Variants in RIPPLY3 observed in about 807,000 individuals in gnomAD.
RIPPLY3 encodes protein ripply3.
In RIPPLY3, 8 loss-of-function variants were observed where a neutral mutation model predicts 11.9. That is an observed-to-expected ratio of 0.67 (90% confidence interval 0.40 to 1.21). The LOEUF is 1.21. RIPPLY3 is among the 50% of genes most tolerant of loss of function. RIPPLY3 has a pLI of 0.01. For synonymous variants in RIPPLY3, 102 were observed against 99.0 expected (o/e 1.03, Z -0.18); for missense variants, 271 against 246.0 (o/e 1.10, Z -0.68).
chr21:37,006,937 G>C lies in RIPPLY3; in HGVS notation c.104+61G>C, dbSNP rs985028756. 877 of 989,416 alleles carry C rather than the reference G, an allele frequency of 8.9e-4. No homozygotes were observed. The highest frequency in any genetic ancestry group is 1.1e-3 in the Non-Finnish European group (834 of 772,906). 61.3% of individuals were successfully genotyped at this position (989,416 alleles called of 1,614,324 possible). ...GAGGCGTGCGCGGTGGCGGTGCGGG[G>C]AGCGCAGCGAGCGGGAGGCTGGGGC... On this transcript the variant is annotated intron_variant, in intron 1 of 3. Coordinates refer to ENST00000329553, the MANE Select transcript of RIPPLY3 (RefSeq NM_018962.3). This position sits in a 1 kb window ranked among gnomAD's most constrained non-coding sequence, Gnocchi z 5.2.
At chr21:37,014,745 C>T (rs1362086776) in intron 3 of RIPPLY3, among the ~76,000 whole-genome samples, 1 of 152,158 alleles carries the variant, frequency 6.6e-6, no homozygotes, top group African/African-American at 2.4e-5. Context: ...TTTCTTTTCT[C>T]TTCTGACATC....
intron 3 of RIPPLY3, among the ~76,000 whole-genome samples, chr21:37,015,536 A>G (rs997057316): frequency 7.2e-5 from 11 of 152,296 alleles, no homozygotes; most frequent in Middle Eastern, 3.4e-3. Flanking sequence ...TGCACTGCAC[A>G]CTGGATATAC....
chr21:37,017,723 T>C, intron 3 of RIPPLY3, 151 bp from the exon 4 acceptor site: 1 of 671,490 alleles, frequency 1.5e-6, no homozygotes, highest in Non-Finnish European at 2.5e-6. Context: ...TAGAGTTCTC[T>C]GTTCTGATGA....
At position 37,017,921 on chromosome 21, in the gene RIPPLY3, G is replaced by A. The variant is rs1360468946; in HGVS notation, c.287G>A (p.Gly96Glu). The change falls in exon 4 of 4, where the codon GGG becomes GAG. Residue 96 changes from glycine (G) to glutamate (E), a missense_variant. Transcript: ENST00000329553. Reference protein sequence around the residue: ...SKRQEYLRSSGEQVLASFPVQ... With the variant: ...SKRQEYLRSSEEQVLASFPVQ... ...CGTCAAGAATACCTGCGGAGTTCCG[G>A]GGAGCAAGTACTGGCCAGTTTCCCA... is the stretch of plus-strand genomic sequence containing the variant. The A allele has an allele frequency of 1.2e-6, 2 of 1,613,968 alleles. No homozygotes were observed. The highest frequency in any genetic ancestry group is 1.7e-6 in the Non-Finnish European group (2 of 1,180,000).
chr21:37,011,124 C>T (rs1163545268), intron 2 of RIPPLY3, among the ~76,000 whole-genome samples: 1 of 152,144 alleles, frequency 6.6e-6, no homozygotes. Context: ...CTGCCTCAGC[C>T]TCCAAGTAGC....
At position 37,006,830 on chromosome 21, in the gene RIPPLY3, C is replaced by T. The variant is rs1406821727; in HGVS notation, c.58C>T (p.Pro20Ser). 1.1e-5 allele frequency: 14 copies of T among 1,227,360 alleles called. No individual in the cohort carries two copies. Among genetic ancestry groups the T allele is most frequent in the Non-Finnish European group, 1.3e-5 (13 of 985,224 alleles). 76.0% of individuals were successfully genotyped at this position (1,227,360 alleles called of 1,614,324 possible). A position where few individuals can be genotyped will look rare whatever the true frequency, so the allele number is the denominator to read the frequency against. ...RKARGRGCHC[P>S]GDAPWRPPPP... ...GGCGCGGGGGCGCGGCTGTCACTGC[C>T]CCGGGGACGCTCCCTGGAGGCCTCC... The change falls in exon 1 of 4, where the codon CCC becomes TCC. Residue 20 changes from proline (P) to serine (S), a missense_variant. Physicochemically the swap from Pro to Ser is moderately conservative, Grantham distance 74. Transcript: ENST00000329553. The surrounding 1 kb of genome is among the most constrained non-coding windows in gnomAD (Gnocchi z 5.2).
chr21:37,009,376 AC>A (rs1483483674), intron 2 of RIPPLY3, among the ~76,000 whole-genome samples: 1 of 152,150 alleles, frequency 6.6e-6, no homozygotes, highest in African/African-American at 2.4e-5. Context: ...GGGAAAACAG[AC>A]CTTCACCGTA....
Position 37,018,121 on chromosome 21 carries a change from T to A in RIPPLY3, c.487T>A (p.Ser163Thr). The change falls in exon 4 of 4, where the codon TCC (serine) becomes ACC (threonine). Residue 163 changes from serine to threonine, a missense_variant. Coordinates refer to ENST00000329553, the MANE Select transcript of RIPPLY3 (RefSeq NM_018962.3). ...CCAGGGCATCAACCAAGGGCAGCGA[T>A]CCTCAGGAGGGGGTGACCACTGGGG... ...RDQGINQGQR[S>T]SGGGDHWGEG... 1 of 1,613,950 alleles carries A rather than the reference T, an allele frequency of 6.2e-7. No individual in the cohort carries two copies. Among genetic ancestry groups the A allele is most frequent in the Non-Finnish European group, 8.5e-7 (1 of 1,179,966 alleles).
At chr21:37,009,128 C>A (rs1381599327) in intron 2 of RIPPLY3, among the ~76,000 whole-genome samples, 1 of 152,174 alleles carries the variant, frequency 6.6e-6, no homozygotes, top group Non-Finnish European at 1.5e-5. Flanking sequence ...TGTTACTCTG[C>A]ATTGGTAACT....
chr21:37,008,756 C>CAAAAAAA (rs71198845), intron 2 of RIPPLY3, among the ~76,000 whole-genome samples: 8 of 81,650 alleles, frequency 9.8e-5, no homozygotes, highest in African/African-American at 1.3e-4. Context: ...AGACTCATCT[C>CAAAAAAA]AAAAAAAAAA....
At chr21:37,006,480 G>T (rs369254418), upstream of RIPPLY3, 1 of 277,012 alleles carries the variant, frequency 3.6e-6, no homozygotes. The surrounding 1 kb of genome is among the most constrained non-coding windows in gnomAD (Gnocchi z 5.2). Flanking sequence ...GACACCCGGC[G>T]CCACCTCCTT....
At chr21:37,007,252 C>CGTTT (rs2069473972) in intron 1 of RIPPLY3, among the ~76,000 whole-genome samples, 1 of 152,060 alleles carries the variant, frequency 6.6e-6, no homozygotes, top group Non-Finnish European at 1.5e-5. Flanking sequence ...TTCTGTTGTC[C>CGTTT]CTGGATTGGG....
intron 3 of RIPPLY3, 45 bp from the exon 4 acceptor site, chr21:37,017,829 C>T (rs749733544): frequency 5.8e-5 from 87 of 1,501,774 alleles, no homozygotes; most frequent in Admixed American, 3.8e-4. Flanking sequence ...CAATTTAGGA[C>T]GAGGTTCAGG....
At chr21:37,015,379 G>C (rs920444218) in intron 3 of RIPPLY3, among the ~76,000 whole-genome samples, 3 of 152,072 alleles carry the variant, frequency 2.0e-5, no homozygotes, top group Non-Finnish European at 4.4e-5. Context: ...GGCCAGGCTG[G>C]TCTTGAACTC....
chr21:37,008,771 A>C (rs551071026), intron 2 of RIPPLY3, among the ~76,000 whole-genome samples: 2,256 of 151,680 alleles, frequency 0.015, 39 homozygotes, highest in African/African-American at 0.037. Context: ...AAAAAAAAAA[A>C]AAAAAAAAAC....
intron 2 of RIPPLY3, among the ~76,000 whole-genome samples, chr21:37,010,071 G>A (rs981477579): frequency 1.4e-4 from 22 of 152,230 alleles, no homozygotes; most frequent in African/African-American, 5.3e-4. Context: ...GACAAAGCAG[G>A]ACAATTCCCC....
At chr21:37,013,669 C>T in intron 3 of RIPPLY3, 51 bp downstream of exon 3, 2 of 1,337,082 alleles carry the variant, frequency 1.5e-6, no homozygotes, top group African/African-American at 1.4e-5. Flanking sequence ...TTAATATAGG[C>T]ATTAATATGC....
chr21:37,014,141 C>A (rs1283958893), intron 3 of RIPPLY3, among the ~76,000 whole-genome samples: 2 of 151,784 alleles, frequency 1.3e-5, no homozygotes, highest in South Asian at 4.2e-4. Context: ...CATGGTGAAA[C>A]CCCCGTCTCT....
Position 37,018,013 on chromosome 21 carries a change from G to T in RIPPLY3, c.379G>T (p.Glu127Ter), listed in dbSNP as rs1346693854. The T allele has an allele frequency of 6.2e-7, 1 of 1,614,162 alleles. No individual in the cohort carries two copies. Among genetic ancestry groups the T allele is most frequent in the Non-Finnish European group, 8.5e-7 (1 of 1,180,024 alleles). Residue 127 changes from glutamate (E) to a stop codon, truncating the protein, a stop_gained, in exon 4 of 4, where the codon GAG (glutamate) becomes TAG (stop). Transcript: ENST00000329553. LOFTEE classifies it low-confidence loss of function (END_TRUNC). The stretch of plus-strand genomic sequence containing the variant: ...GTCTGCTTCCGAAGCTGAAGAGCCA[G>T]AGGAAGGACCCCCACCCCTCCATCT... ...TESASEAEEP[E>*]EGPPPLHLLP...
Sources: allele counts gnomAD v4.1 joint callset (sites outside exome capture counted in the v4.1 genomes callset), GRCh38; gene constraint gnomAD v4.1.1; non-coding constraint Gnocchi (gnomAD v3.1); transcripts MANE v1.5; gene names NCBI Gene and HGNC (gene_info 2026-07-23, HGNC 2026-07-21).